The following DHRS7B variants were observed in gnomAD, a reference collection of about 807,000 sequenced individuals.
The protein encoded by DHRS7B is dehydrogenase/reductase 7B.
In DHRS7B, 24 loss-of-function variants were observed where a neutral mutation model predicts 26.4. That is an observed-to-expected ratio of 0.91 (90% CI 0.66 to 1.28). The LOEUF is 1.28. Ranked by LOEUF, DHRS7B falls within the 50% of genes most tolerant of loss-of-function variation. The probability of loss-of-function intolerance (pLI) is 0.00; values close to 1 mark genes in which losing one functional copy is unlikely to be tolerated. For missense variants in DHRS7B, 368 were observed against 419.4 expected, an observed-to-expected ratio of 0.88 and a Z score of 1.07; for synonymous variants, 142 against 166.4, an observed-to-expected ratio of 0.85 and a Z score of 1.13.
intron 1 of DHRS7B, among the ~76,000 whole-genome samples, chr17:21,164,571 A>G (rs1334114369): frequency 6.6e-6 from 1 of 152,264 alleles, no homozygotes; most frequent in Non-Finnish European, 1.5e-5. Flanking sequence ...CGGCCAGCAC[A>G]GCAGTTTGAA....
chr17:21,181,717 T>C (rs1396860157), intron 3 of DHRS7B, among the ~76,000 whole-genome samples: 1 of 152,212 alleles, frequency 6.6e-6, no homozygotes, highest in Non-Finnish European at 1.5e-5. Context: ...CTACTGTAAA[T>C]AGAATTGCTT....
intron 2 of DHRS7B, 113 bp downstream of exon 2, chr17:21,172,309 C>T (rs1974274996): frequency 2.3e-6 from 3 of 1,325,854 alleles, no homozygotes; most frequent in African/African-American, 1.5e-5. Context: ...CAGCAGAAGG[C>T]CAGATAAGGG....
At chr17:21,130,855 C>G (rs1973214929) in intron 1 of DHRS7B, among the ~76,000 whole-genome samples, 1 of 152,150 alleles carries the variant, frequency 6.6e-6, no homozygotes, top group Non-Finnish European at 1.5e-5. Flanking sequence ...CAAAAATGAA[C>G]TCTCTATTCT....
intron 5 of DHRS7B, among the ~76,000 whole-genome samples, chr17:21,186,801 C>G (rs1788132757): frequency 1.3e-5 from 2 of 152,214 alleles, no homozygotes; most frequent in South Asian, 4.1e-4. Flanking sequence ...AGAGCAGGCA[C>G]AGCTCTGTTT....
At chr17:21,152,201 C>T (rs899777494) in intron 1 of DHRS7B, among the ~76,000 whole-genome samples, 1 of 152,146 alleles carries the variant, frequency 6.6e-6, no homozygotes, top group African/African-American at 2.4e-5. Context: ...GTCACCCAGG[C>T]CAGAGTGTAC....
chr17:21,139,283 T>C (rs1029638685), intron 1 of DHRS7B, among the ~76,000 whole-genome samples: 3 of 152,188 alleles, frequency 2.0e-5, no homozygotes, highest in African/African-American at 7.2e-5. Flanking sequence ...TATTAAAAAT[T>C]ACACAAGCGA....
chr17:21,167,712 C>G (rs1274830783), intron 1 of DHRS7B, among the ~76,000 whole-genome samples: 1 of 152,210 alleles, frequency 6.6e-6, no homozygotes, highest in African/African-American at 2.4e-5. Context: ...AAGCTGATCT[C>G]CAAATGCTGA....
At chr17:21,167,424 G>C (rs1208668146) in intron 1 of DHRS7B, among the ~76,000 whole-genome samples, 1 of 152,210 alleles carries the variant, frequency 6.6e-6, no homozygotes, top group East Asian at 1.9e-4. Context: ...TAATATGTGA[G>C]CCCCTGAGCT....
chr17:21,165,799 G>A (rs1021194646), intron 1 of DHRS7B, among the ~76,000 whole-genome samples: 7 of 151,628 alleles, frequency 4.6e-5, no homozygotes, highest in Non-Finnish European at 5.9e-5. Flanking sequence ...GCCTGTAGTC[G>A]CAGCTACGCG....
chr17:21,188,352 C>T (rs1433892248), intron 5 of DHRS7B, among the ~76,000 whole-genome samples: 1 of 151,888 alleles, frequency 6.6e-6, no homozygotes, highest in East Asian at 1.9e-4. Context: ...TTTCCTGAAC[C>T]ATTTGAAAGG....
intron 1 of DHRS7B, among the ~76,000 whole-genome samples, chr17:21,167,467 A>C (rs955799014): frequency 2.0e-5 from 3 of 152,326 alleles, no homozygotes; most frequent in Non-Finnish European, 4.4e-5. Context: ...CGTGAGTCTC[A>C]TCAGTGTGAG....
intron 1 of DHRS7B, among the ~76,000 whole-genome samples, chr17:21,138,211 CTTTTTTTTTTTTT>C (rs901329961): frequency 2.6e-5 from 2 of 78,224 alleles, no homozygotes; most frequent in African/African-American, 5.9e-5. Flanking sequence ...ATCCCTCCTT[CTTTTTTTTTTTTT>C]TTTTTTTTTT....
At chr17:21,133,870 T>C (rs918274496) in intron 1 of DHRS7B, among the ~76,000 whole-genome samples, 1 of 152,208 alleles carries the variant, frequency 6.6e-6, no homozygotes, top group Non-Finnish European at 1.5e-5. Flanking sequence ...CACATTACTC[T>C]GAAGTCCACA....
At chr17:21,156,634 C>T (rs760962033) in intron 1 of DHRS7B, among the ~76,000 whole-genome samples, 10 of 151,338 alleles carry the variant, frequency 6.6e-5, no homozygotes, top group Non-Finnish European at 1.2e-4. Context: ...AAAAATAAGC[C>T]GGGCGTGGTG....
intron 1 of DHRS7B, among the ~76,000 whole-genome samples, chr17:21,151,756 G>A (rs1973777296): frequency 6.6e-6 from 1 of 152,166 alleles, no homozygotes; most frequent in Non-Finnish European, 1.5e-5. Context: ...GAGACTCAGT[G>A]TGGACAAGTC....
chr17:21,185,598 C>A (rs1351529942), intron 5 of DHRS7B, among the ~76,000 whole-genome samples: 1 of 151,960 alleles, frequency 6.6e-6, no homozygotes. Context: ...TAAGGCTTCT[C>A]AAATGGTTCA....
At position 21,150,113 on chromosome 17, in the gene DHRS7B, A is replaced by AAAAAC. The variant is rs549835804; in HGVS notation, c.21-21901_21-21900insCAAAA. On this transcript the variant is annotated intron_variant, in intron 1 of 6. Transcript: ENST00000395511. ...AAGGCTCCATCTCTATTTAAAAAAA[A>AAAAAC]AAAAAAAAAAAAAAAAAAACTAAGG... is the stretch of plus-strand genomic sequence containing the variant. Among the ~76,000 whole-genome samples, 33 of 66,444 alleles carry AAAAAC rather than the reference A, an allele frequency of 5.0e-4. 1 individual carries two copies. Among genetic ancestry groups the AAAAAC allele is most frequent in the Middle Eastern group, 0.01 (1 of 100 alleles). 43.6% of individuals were successfully genotyped at this position (66,444 alleles called of 152,430 possible).
intron 1 of DHRS7B, among the ~76,000 whole-genome samples, chr17:21,144,709 G>A (rs746863536): frequency 7.9e-5 from 12 of 151,898 alleles, no homozygotes; most frequent in Admixed American, 1.3e-4. Flanking sequence ...TCCCAGCTAC[G>A]TGGGAAGCTG....
At chr17:21,178,192 T>C (rs748909477) in intron 2 of DHRS7B, 41 bp from the exon 3 acceptor site, 1 of 1,585,148 alleles carries the variant, frequency 6.3e-7, no homozygotes, top group Non-Finnish European at 8.7e-7. Flanking sequence ...TGAACGGCAC[T>C]GAGGAAGAAT....
Sources: gnomAD v4.1 joint callset for allele counts (sites outside exome capture counted in the v4.1 genomes callset) on GRCh38, gnomAD v4.1.1 for gene constraint, MANE v1.5 for transcripts, NCBI Gene and HGNC (gene_info 2026-07-23, HGNC 2026-07-21) for gene names.